NLRP6: variants seen among roughly 807,000 people sequenced by gnomAD.
NLRP6 encodes NACHT, LRR and PYD domains-containing protein 6.
NLRP6 carries 55 observed loss-of-function variants against 70.9 expected under a neutral mutation model. That is an observed-to-expected ratio of 0.78 (90% confidence interval 0.62 to 0.97). The LOEUF is 0.97. Among genes scored for constraint, NLRP6 ranks in the 50% least tolerant of loss-of-function variants. NLRP6 has a pLI of 0.00. For missense variants in NLRP6, 1,241 were observed against 1,238.3 expected (o/e 1.00, Z -0.03); for synonymous variants, 652 against 581.9 (o/e 1.12, Z -1.73).
intron 7 of NLRP6, 93 bp downstream of exon 7, chr11:284,735 G>T: frequency 7.8e-7 from 1 of 1,276,442 alleles, no homozygotes; most frequent in South Asian, 1.4e-5. Context: ...CCCTGAAGAG[G>T]GGCCCCTCCC....
chr11:284,831 C>T (rs189304620), intron 7 of NLRP6, among the ~76,000 whole-genome samples, 189 bp downstream of exon 7: 3 of 152,320 alleles, frequency 2.0e-5, no homozygotes, highest in Admixed American at 1.3e-4. Context: ...GGCCACAGCT[C>T]GGGGCCTTGA....
chr11:280,030 G>A (rs1423968570), intron 3 of NLRP6, 54 bp from the exon 4 acceptor site: 2 of 1,432,336 alleles, frequency 1.4e-6, no homozygotes, highest in South Asian at 1.5e-5. Flanking sequence ...CCCGGAGGGC[G>A]CAGCCTGCCC....
In NLRP6 at chr11:281,344, A is replaced by G. The variant is rs777618464; in HGVS notation, c.1610A>G (p.His537Arg). Residue 537 changes from histidine to arginine, a missense_variant, in exon 4 of 8, where the codon CAC (histidine) becomes CGC (arginine). By Grantham distance (29) the His-to-Arg change is conservative (BLOSUM62 0). Transcript: ENST00000534750. ...GTLLRGDAQP[H>R]SHLVLTTRFL... Reference sequence around the variant, plus strand: ...CTCCTGCGTGGGGACGCCCAGCCGCACAGCCACTTGGTGCTCACCACGCGC... The same window carrying G: ...CTCCTGCGTGGGGACGCCCAGCCGCGCAGCCACTTGGTGCTCACCACGCGC... The G allele has an allele frequency of 1.2e-6, 2 of 1,608,928 alleles. No homozygotes were observed. Among genetic ancestry groups the G allele is most frequent in the Non-Finnish European group, 8.5e-7 (1 of 1,178,436 alleles).
Position 278,539 on chromosome 11 carries a change from G to T in NLRP6, c.-31G>T, listed in dbSNP as rs199576128. On this transcript the variant is annotated 5_prime_UTR_variant, in exon 1 of 8. Coordinates refer to ENST00000534750, the MANE Select transcript of NLRP6 (RefSeq NM_001276700.2). The surrounding 1 kb of genome is among the most constrained non-coding windows in gnomAD (Gnocchi z 4.7). Reference sequence around the variant, plus strand: ...CCTCTCTGATCCCCACCTCTGCCCCGGAGTGCTAGACCCAGGGAGGAAGAG... The same window carrying T: ...CCTCTCTGATCCCCACCTCTGCCCCTGAGTGCTAGACCCAGGGAGGAAGAG... The T allele has an allele frequency of 7.8e-5, 120 of 1,538,242 alleles. No individual in the cohort carries two copies. The highest frequency in any genetic ancestry group is 9.8e-5 in the Non-Finnish European group (112 of 1,143,388).
At position 281,600 on chromosome 11, in the gene NLRP6, G is replaced by A. The variant is rs1377673689; in HGVS notation, c.1866G>A (p.Leu622=). ...AGCCCAACTACCCACTGGAGTTGCT[G>A]TACTGCCTGTACGAGACGCAGGAGG... ...GEEPNYPLEL[L]YCLYETQEDA... The change falls in exon 4 of 8, where the codon CTG becomes CTA. Residue 622 remains leucine (L), a synonymous_variant. Transcript: ENST00000534750. 1 of 1,611,842 alleles carries A rather than the reference G, an allele frequency of 6.2e-7. No homozygotes were observed. The highest frequency in any genetic ancestry group is 1.3e-5 in the African/African-American group (1 of 74,926).
chr11:284,721 T>C (rs1845534376), intron 7 of NLRP6, 79 bp downstream of exon 7: 1 of 1,374,368 alleles, frequency 7.3e-7, no homozygotes, highest in Non-Finnish European at 9.9e-7. Flanking sequence ...GGGCTCCCCC[T>C]GGACCCTGAA....
At chr11:279,738 G>A in intron 2 of NLRP6, 96 bp from the exon 3 acceptor site, 1 of 1,408,340 alleles carries the variant, frequency 7.1e-7, no homozygotes, top group Non-Finnish European at 9.4e-7. Flanking sequence ...GGCCCCAGGG[G>A]TAGGACCCTG....
At position 284,471 on chromosome 11, in the gene NLRP6, A is replaced by G. The variant is rs1194506772; in HGVS notation, c.2370-4A>G. On this transcript the variant is annotated splice_region_variant and splice_polypyrimidine_tract_variant and intron_variant, in intron 6 of 7. Transcript: ENST00000534750. Reference sequence around the variant, plus strand: ...AGCAGCTCCTGAGGTCGGCCCTCCCACAGGGTACAGCTGCCTGACCCCCAG... The same window carrying G: ...AGCAGCTCCTGAGGTCGGCCCTCCCGCAGGGTACAGCTGCCTGACCCCCAG... 1 of 1,611,326 alleles carries G rather than the reference A, an allele frequency of 6.2e-7. No homozygotes were observed. Among genetic ancestry groups the G allele is most frequent in the Non-Finnish European group, 8.5e-7 (1 of 1,178,636 alleles).
rs1320691104 is a variant in NLRP6, at chr11:280,724, C to A, written c.990C>A (p.Ala330=). 1 of 1,581,534 alleles carries A rather than the reference C, an allele frequency of 6.3e-7. No individual in the cohort carries two copies. The highest frequency in any genetic ancestry group is 8.6e-7 in the Non-Finnish European group (1 of 1,164,162). The change falls in exon 4 of 8, where the codon GCC becomes GCA. Residue 330 remains alanine (A), a synonymous_variant. Coordinates refer to ENST00000534750, the MANE Select transcript of NLRP6 (RefSeq NM_001276700.2). ...TGCTGGTGACCACGCGCGCCGCCGCCCCCGGGAGGCTGCAGGGCCGCCTGT... is the reference window on the plus strand; with the variant it reads ...TGCTGGTGACCACGCGCGCCGCCGCACCCGGGAGGCTGCAGGGCCGCCTGT... The part of the protein sequence containing the change: ...ALLLVTTRAA[A]PGRLQGRLCS...
rs755821255 is a variant in NLRP6 at position 281,636 on chromosome 11, G to A, written c.1902G>A (p.Val634=). Residue 634 remains valine (V), a synonymous_variant, in exon 4 of 8, where the codon GTG becomes GTA. Transcript: ENST00000534750. The part of the protein sequence containing the change: ...CLYETQEDAF[V]RQALCRFPEL... The stretch of plus-strand genomic sequence containing the variant: ...ACGAGACGCAGGAGGACGCGTTTGT[G>A]CGCCAAGCCCTGTGCCGGTTCCCGG... The A allele has an allele frequency of 7.4e-6, 12 of 1,613,190 alleles. No homozygotes were observed. In the South Asian group the frequency reaches 1.3e-4, roughly 18 times the overall value.
At chr11:282,603 A>C (rs1845494421) in intron 4 of NLRP6, 102 bp from the exon 5 acceptor site, 2 of 896,860 alleles carry the variant, frequency 2.2e-6, no homozygotes, top group Admixed American at 3.5e-5. Context: ...GGTGAGGAGG[A>C]GGGGCAGCTC....
At chr11:285,012 C>T (rs1450637280) in intron 7 of NLRP6, among the ~76,000 whole-genome samples, 154 bp from the exon 8 acceptor site, 1 of 152,160 alleles carries the variant, frequency 6.6e-6, no homozygotes, top group Admixed American at 6.5e-5. Context: ...TGTGGCACAG[C>T]CAAGCTGACA....
At chr11:284,752 C>T (rs1845534844) in intron 7 of NLRP6, 110 bp downstream of exon 7, 3 of 1,043,680 alleles carry the variant, frequency 2.9e-6, no homozygotes, top group Admixed American at 2.4e-5. Flanking sequence ...TCCCAGAGAC[C>T]TCCCATGTGA....
rs775919638 is a variant in NLRP6 at position 280,743 on chromosome 11, C to A, written c.1009C>A (p.Arg337Ser). Reference sequence around the variant, plus strand: ...CGCCGCCCCCGGGAGGCTGCAGGGCCGCCTGTGTTCCCCGCAGTGCGCCGA... The same window carrying A: ...CGCCGCCCCCGGGAGGCTGCAGGGCAGCCTGTGTTCCCCGCAGTGCGCCGA... ...RAAAPGRLQG[R>S]LCSPQCAEVR... The change falls in exon 4 of 8, where the codon CGC (arginine) becomes AGC (serine). Residue 337 changes from arginine (R) to serine (S), a missense_variant. By Grantham distance (110) the Arg-to-Ser change is moderately radical (BLOSUM62 -1). Coordinates refer to ENST00000534750, the MANE Select transcript of NLRP6 (RefSeq NM_001276700.2). 1 of 1,602,312 alleles carries A rather than the reference C, an allele frequency of 6.2e-7. No homozygotes were observed. Among genetic ancestry groups the A allele is most frequent in the Non-Finnish European group, 8.5e-7 (1 of 1,174,122 alleles).
rs753071965 is a variant in NLRP6, at chr11:285,229, G to C, written c.2601G>C (p.Lys867Asn). 6.2e-7 allele frequency: 1 copy of C among 1,603,896 alleles called. No homozygotes were observed. Among genetic ancestry groups the C allele is most frequent in the African/African-American group, 1.3e-5 (1 of 74,738 alleles). ...LQELQAVKRA[K>N]PDLVITHPAL... The stretch of plus-strand genomic sequence containing the variant: ...AGCTTCAGGCTGTGAAGAGAGCAAA[G>C]CCGGATCTGGTCATCACACACCCAG... The change falls in exon 8 of 8, where the codon AAG becomes AAC. Residue 867 changes from lysine (K) to asparagine (N), a missense_variant. Coordinates refer to ENST00000534750, the MANE Select transcript of NLRP6 (RefSeq NM_001276700.2).
Position 282,761 on chromosome 11 carries a change from C to T in NLRP6, c.2162C>T (p.Ala721Val). Reference sequence around the variant, plus strand: ...TCCCTTCTTCATCCACTCTTTCAGGCAATGACTGACCCACTGTGCCATCTG... The same window carrying T: ...TCCCTTCTTCATCCACTCTTTCAGGTAATGACTGACCCACTGTGCCATCTG... ...PASLLHPLFQ[A>V]MTDPLCHLSS... Residue 721 changes from alanine to valine, a missense_variant, in exon 5 of 8, where the codon GCA (alanine) becomes GTA (valine). Transcript: ENST00000534750. The T allele has an allele frequency of 1.9e-6, 3 of 1,614,034 alleles. No homozygotes were observed. Among genetic ancestry groups the T allele is most frequent in the Non-Finnish European group, 2.5e-6 (3 of 1,179,892 alleles).
chr11:280,507 C>T lies in NLRP6; in HGVS notation c.773C>T (p.Pro258Leu), dbSNP rs1430027136. ...SLADLILDQCPDRGAPVPQML... is the reference protein window; with the variant it reads ...SLADLILDQCLDRGAPVPQML... ...GCTGACCTGATCCTGGACCAGTGCC[C>T]CGACCGCGGCGCGCCGGTGCCGCAG... The change falls in exon 4 of 8, where the codon CCC becomes CTC. Residue 258 changes from proline to leucine, a missense_variant. Coordinates refer to ENST00000534750, the MANE Select transcript of NLRP6 (RefSeq NM_001276700.2). 2 of 1,575,720 alleles carry T rather than the reference C, an allele frequency of 1.3e-6. No homozygotes were observed. The highest frequency in any genetic ancestry group is 1.7e-5 in the Admixed American group (1 of 57,180).
chr11:282,598 G>A lies in NLRP6; in HGVS notation c.2106-107G>A. 10 of 864,582 alleles carry A rather than the reference G, an allele frequency of 1.2e-5. 1 individual carries two copies. The highest frequency in any genetic ancestry group is 6.6e-5 in the African/African-American group (4 of 60,858). The allele number at this position is 864,582 out of a possible 1,614,324, so 53.6% of individuals were successfully genotyped here. On this transcript the variant is annotated intron_variant, in intron 4 of 7. Transcript: ENST00000534750. ...AGGGGGTGGCTCAGCAAGGAGGTGA[G>A]GAGGAGGGGCAGCTCTGAGACCCCA...
intron 1 of NLRP6, 55 bp from the exon 2 acceptor site, chr11:279,272 G>T: frequency 8.2e-7 from 1 of 1,215,084 alleles, no homozygotes; most frequent in Non-Finnish European, 1.0e-6. Flanking sequence ...AGTCGGGGGC[G>T]GGCGGGGGTC....
Sources: allele counts gnomAD v4.1 joint callset (sites outside exome capture counted in the v4.1 genomes callset), GRCh38; gene constraint gnomAD v4.1.1; non-coding constraint Gnocchi (gnomAD v3.1); transcripts MANE v1.5; gene names NCBI Gene and HGNC (gene_info 2026-07-23, HGNC 2026-07-21).